SARS1: variants seen among roughly 807,000 people sequenced by gnomAD.
SARS1 encodes serine--tRNA ligase, cytoplasmic.
A neutral mutation model predicts 63.7 loss-of-function variants in SARS1; 25 were observed. The observed-to-expected ratio is 0.39, with a 90% CI of 0.29 to 0.55. SARS1 has a LOEUF of 0.55. Among genes scored for constraint, SARS1 ranks in the 20% least tolerant of loss-of-function variants. The pLI, the probability that SARS1 is intolerant of heterozygous loss-of-function variation, is 0.62. For synonymous variants in SARS1, 231 were observed against 243.5 expected, an observed-to-expected ratio of 0.95 and a Z score of 0.48; for missense variants, 417 against 649.7, an observed-to-expected ratio of 0.64 and a Z score of 3.89.
intron 2 of SARS1, among the ~76,000 whole-genome samples, chr1:109,226,995 CTTTTTTTTTT>C (rs562155510): frequency 7.6e-6 from 1 of 131,246 alleles, no homozygotes; most frequent in Admixed American, 7.7e-5. Context: ...TTCTTTAACT[CTTTTTTTTTT>C]TTTTTTTTGA....
Position 109,237,121 on chromosome 1 carries a change from A to G in SARS1, c.1258-123A>G, listed in dbSNP as rs1000749273. 13 of 1,445,120 alleles carry G rather than the reference A, an allele frequency of 9.0e-6. No individual in the cohort carries two copies. The highest frequency in any genetic ancestry group is 1.2e-5 in the Non-Finnish European group (13 of 1,071,834). 89.5% of individuals were successfully genotyped at this position (1,445,120 alleles called of 1,614,324 possible). On this transcript the variant is annotated intron_variant, in intron 9 of 10. Coordinates refer to ENST00000234677, the MANE Select transcript of SARS1 (RefSeq NM_006513.4). The surrounding 1 kb of genome is among the most constrained non-coding windows in gnomAD (Gnocchi z 4.1). Reference sequence around the variant, plus strand: ...TAGAAAAAAGTTGCTAAGGGGTAGAACCCATCATTTTGATTTGGACAGTTG... The same window carrying G: ...TAGAAAAAAGTTGCTAAGGGGTAGAGCCCATCATTTTGATTTGGACAGTTG...
At position 109,237,459 on chromosome 1, in the gene SARS1, G is replaced by T; in HGVS notation, c.1387+86G>T. 1 of 1,580,496 alleles carries T rather than the reference G, an allele frequency of 6.3e-7. No homozygotes were observed. The highest frequency in any genetic ancestry group is 8.6e-7 in the Non-Finnish European group (1 of 1,158,092). On this transcript the variant is annotated intron_variant, in intron 10 of 10. Transcript: ENST00000234677. This position sits in a 1 kb window ranked among gnomAD's most constrained non-coding sequence, Gnocchi z 4.1. ...GCAGTCCCCTTTCAGGATATACCAG[G>T]TTTTTTTGTTCAGACACAGCCCCTG... is the stretch of plus-strand genomic sequence containing the variant.
chr1:109,217,786 C>G (rs1570752779), intron 1 of SARS1, among the ~76,000 whole-genome samples: 1 of 152,000 alleles, frequency 6.6e-6, no homozygotes, highest in East Asian at 1.9e-4. Flanking sequence ...TCTCGAATTC[C>G]TGGACTCAAG....
rs1380628159 is a variant in SARS1 at position 109,237,367 on chromosome 1, C to T, written c.1381C>T (p.Pro461Ser). 1 of 1,614,080 alleles carries T rather than the reference C, an allele frequency of 6.2e-7. No individual in the cohort carries two copies. The highest frequency in any genetic ancestry group is 1.3e-5 in the African/African-American group (1 of 74,936). Residue 461 changes from proline to serine, a missense_variant, in exon 10 of 11, where the codon CCG (proline) becomes TCG (serine). Coordinates refer to ENST00000234677, the MANE Select transcript of SARS1 (RefSeq NM_006513.4). The surrounding 1 kb of genome is among the most constrained non-coding windows in gnomAD (Gnocchi z 4.1). ...GCCTGAGAAATTGAAGGAGTTCATG[C>T]CGCCAGGTAAAACTCCCAGCTCATC... ...TVPEKLKEFM[P>S]PGLQELIPFV...
Position 109,236,515 on chromosome 1 carries a change from C to A in SARS1, c.1224C>A (p.Ile408=). 6.2e-7 allele frequency: 1 copy of A among 1,605,872 alleles called. No homozygotes were observed. The highest frequency in any genetic ancestry group is 1.1e-5 in the South Asian group (1 of 90,950). Residue 408 remains isoleucine (I), a synonymous_variant, in exon 9 of 11, where the codon ATC becomes ATA. Transcript: ENST00000234677. ...ATTACCAGGCTCGCCGGCTTCGAAT[C>A]CGATATGGGCAAACCAAGAAGATGA... ...CTDYQARRLR[I]RYGQTKKMMD...
At chr1:109,220,660 G>A (rs186379379) in intron 1 of SARS1, among the ~76,000 whole-genome samples, 1 of 152,090 alleles carries the variant, frequency 6.6e-6, no homozygotes, top group Non-Finnish European at 1.5e-5. Context: ...TCTGTGGCTT[G>A]CCTTTTCATT....
chr1:109,228,285 C>T (rs1180585257), intron 2 of SARS1, 67 bp from the exon 3 acceptor site: 1 of 1,165,092 alleles, frequency 8.6e-7, no homozygotes, highest in Non-Finnish European at 1.3e-6. Context: ...ATTTGGTGTA[C>T]ACTTTATAAA....
At chr1:109,231,123 G>T (rs1557718521) in intron 5 of SARS1, 102 bp downstream of exon 5, 4 of 697,818 alleles carry the variant, frequency 5.7e-6, no homozygotes, top group Non-Finnish European at 5.8e-6. Context: ...TCTGTTTAAA[G>T]AGGCCCACAG....
intron 5 of SARS1, 138 bp downstream of exon 5, chr1:109,231,159 G>T (rs1015371076): frequency 4.2e-6 from 2 of 478,140 alleles, no homozygotes; most frequent in Non-Finnish European, 6.2e-6. Context: ...TTGCCTTTCT[G>T]CAAATGTATT....
rs369284813 is a variant in SARS1 at position 109,220,921 on chromosome 1, GAGAT to G, written c.137-3052_137-3049del. The stretch of plus-strand genomic sequence containing the variant: ...TAATATTAATTTTGGTGTATTATGT[GAGAT>G]AGATCAAAATTTTTTTTAATGTGGA... On this transcript the variant is annotated intron_variant, in intron 1 of 10. Coordinates refer to ENST00000234677, the MANE Select transcript of SARS1 (RefSeq NM_006513.4). Among the ~76,000 whole-genome samples, 956 of 152,090 alleles carry G rather than the reference GAGAT, an allele frequency of 6.3e-3. 13 individuals carry two copies. The highest frequency in any genetic ancestry group is 0.022 in the African/African-American group (906 of 41,496).
At chr1:109,236,714 T>C in intron 9 of SARS1, 166 bp downstream of exon 9, 1 of 1,514,242 alleles carries the variant, frequency 6.6e-7, no homozygotes, top group South Asian at 1.3e-5. Flanking sequence ...GAGTCAGGAC[T>C]GAGTTCTTTT....
chr1:109,220,012 C>A (rs1449341052), intron 1 of SARS1, among the ~76,000 whole-genome samples: 1 of 152,032 alleles, frequency 6.6e-6, no homozygotes, highest in African/African-American at 2.4e-5. Flanking sequence ...TCTAGAGACT[C>A]TTTTTTAAAA....
Position 109,237,203 on chromosome 1 carries a change from G to T in SARS1, c.1258-41G>T, listed in dbSNP as rs1213644288. Reference sequence around the variant, plus strand: ...CCTGGCCGTCAGTAAGACCCGATGAGAGTTGAGCCCGACTTCCCCTCTGGG... The same window carrying T: ...CCTGGCCGTCAGTAAGACCCGATGATAGTTGAGCCCGACTTCCCCTCTGGG... On this transcript the variant is annotated intron_variant, in intron 9 of 10. Coordinates refer to ENST00000234677, the MANE Select transcript of SARS1 (RefSeq NM_006513.4). The surrounding 1 kb of genome is among the most constrained non-coding windows in gnomAD (Gnocchi z 4.1). The T allele has an allele frequency of 1.3e-6, 2 of 1,595,108 alleles. No individual in the cohort carries two copies. The highest frequency in any genetic ancestry group is 2.2e-5 in the East Asian group (1 of 44,744).
chr1:109,227,081 T>C (rs1655105963), intron 2 of SARS1, among the ~76,000 whole-genome samples: 1 of 150,722 alleles, frequency 6.6e-6, no homozygotes, highest in Non-Finnish European at 1.5e-5. Flanking sequence ...CTGCAACCTC[T>C]GCCCCCAAGT....
At chr1:109,227,206 G>A (rs774864117) in intron 2 of SARS1, among the ~76,000 whole-genome samples, 41 of 151,510 alleles carry the variant, frequency 2.7e-4, no homozygotes, top group Non-Finnish European at 5.2e-4. Context: ...TCTTGGTCAG[G>A]CTGATCTTGA....
chr1:109,217,263 T>C (rs1654811876), intron 1 of SARS1: 1 of 470,734 alleles, frequency 2.1e-6, no homozygotes, highest in Non-Finnish European at 2.8e-6. Context: ...CCCTACTGAA[T>C]ATCATAGCTT....
At chr1:109,217,667 C>T (rs1206852005) in intron 1 of SARS1, among the ~76,000 whole-genome samples, 1 of 151,702 alleles carries the variant, frequency 6.6e-6, no homozygotes, top group Non-Finnish European at 1.5e-5. Flanking sequence ...CTCAACTGGT[C>T]CTCCCACCTC....
In SARS1 at chr1:109,213,941, GTGC is replaced by G. The variant is rs533821645; in HGVS notation, c.-48_-46del. The G allele has an allele frequency of 4.3e-4, 677 of 1,560,174 alleles. 5 individuals are homozygous for G. The African/African-American group carries it at 8.4e-3, about 19-fold the overall frequency. On this transcript the variant is annotated 5_prime_UTR_variant, in exon 1 of 11. Transcript: ENST00000234677. ...GCGCAGTGCGGCGGTCACAGGCTGA[GTGC>G]TGCGGCGCGATCCTTGCTTCCCTGA... is the stretch of plus-strand genomic sequence containing the variant.
intron 9 of SARS1, chr1:109,236,990 G>A (rs1319415250): frequency 7.5e-7 from 1 of 1,340,882 alleles, no homozygotes; most frequent in Non-Finnish European, 9.7e-7. Flanking sequence ...TTCCCTCAAA[G>A]GGCCCAACTC....
Sources: gnomAD v4.1 joint callset for allele counts (sites outside exome capture counted in the v4.1 genomes callset) on GRCh38, gnomAD v4.1.1 for gene constraint, Gnocchi (gnomAD v3.1) non-coding constraint, MANE v1.5 for transcripts, NCBI Gene and HGNC (gene_info 2026-07-23, HGNC 2026-07-21) for gene names.